TMC1: variants seen among roughly 807,000 people sequenced by gnomAD.
TMC1 encodes the protein transmembrane channel-like protein 1.
A neutral mutation model predicts 105.8 loss-of-function variants in TMC1; 84 were observed. That is an observed-to-expected ratio of 0.79 (90% CI 0.67 to 0.95). TMC1 has a LOEUF of 0.95. Ranked by LOEUF, TMC1 falls within the 40% of genes least tolerant of loss-of-function variation. TMC1 has a pLI of 0.00. For synonymous variants in TMC1, 315 were observed against 311.5 expected (o/e 1.01, Z -0.12); for missense variants, 817 against 914.1 (o/e 0.89, Z 1.37).
chr9:72,764,532 T>C (rs1026710643), intron 12 of TMC1, among the ~76,000 whole-genome samples: 1 of 151,926 alleles, frequency 6.6e-6, no homozygotes, highest in African/African-American at 2.4e-5. Flanking sequence ...AATTAAAGAG[T>C]TTTTCCAGTT....
chr9:72,576,666 G>T (rs1427750777), intron 1 of TMC1, among the ~76,000 whole-genome samples: 2 of 125,310 alleles, frequency 1.6e-5, no homozygotes, highest in Non-Finnish European at 3.2e-5. Context: ...TTGCTCTGTT[G>T]CCAGGCTGGA....
intron 2 of TMC1, among the ~76,000 whole-genome samples, chr9:72,587,221 T>C (rs6560296): frequency 0.58 from 87,174 of 151,204 alleles, 26,775 homozygotes; most frequent in African/African-American, 0.81. Context: ...TGCAATGGCT[T>C]GATCTCGACT....
intron 5 of TMC1, 81 bp downstream of exon 5, chr9:72,648,745 T>C: frequency 1.5e-6 from 2 of 1,333,430 alleles, no homozygotes; most frequent in Non-Finnish European, 2.2e-6. Context: ...TTGGAAAGTT[T>C]GTTTTACAAT....
intron 20 of TMC1, 64 bp downstream of exon 20, chr9:72,821,145 C>A: frequency 1.2e-6 from 2 of 1,608,110 alleles, no homozygotes; most frequent in South Asian, 1.1e-5. Flanking sequence ...TGGGAATGGT[C>A]ATTCATTGTA....
chr9:72,831,428 T>C (rs1256779992), intron 23 of TMC1, among the ~76,000 whole-genome samples: 1 of 151,836 alleles, frequency 6.6e-6, no homozygotes, highest in Non-Finnish European at 1.5e-5. Flanking sequence ...CTTTCTTTTT[T>C]CTATATATAT....
intron 5 of TMC1, among the ~76,000 whole-genome samples, chr9:72,668,596 C>A (rs1826080291): frequency 6.6e-6 from 1 of 152,174 alleles, no homozygotes; most frequent in Non-Finnish European, 1.5e-5. Context: ...AACTAGAACC[C>A]TTTGCCATCA....
At chr9:72,603,667 A>C (rs889486324) in intron 2 of TMC1, among the ~76,000 whole-genome samples, 6 of 151,948 alleles carry the variant, frequency 3.9e-5, no homozygotes. Context: ...CTCCTGCCGC[A>C]GCCTGCTGAG....
At chr9:72,723,507 C>T (rs1476418475) in intron 8 of TMC1, among the ~76,000 whole-genome samples, 1 of 152,118 alleles carries the variant, frequency 6.6e-6, no homozygotes. Context: ...TTCTATTAAA[C>T]AAGAACAATG....
chr9:72,569,766 T>G (rs894974068), intron 1 of TMC1, among the ~76,000 whole-genome samples: 3 of 152,306 alleles, frequency 2.0e-5, no homozygotes, highest in Middle Eastern at 3.4e-3. Flanking sequence ...GCATTCTATC[T>G]TGTCAGTAAT....
intron 13 of TMC1, among the ~76,000 whole-genome samples, chr9:72,787,882 G>A (rs1045123549): frequency 6.6e-6 from 1 of 152,068 alleles, no homozygotes; most frequent in Non-Finnish European, 1.5e-5. Flanking sequence ...TCTTTGCCTG[G>A]TTTAGTCCAT....
intron 13 of TMC1, among the ~76,000 whole-genome samples, chr9:72,777,849 T>A (rs1027521696): frequency 2.0e-5 from 3 of 152,238 alleles, no homozygotes; most frequent in African/African-American, 7.2e-5. Context: ...ATTTATTATA[T>A]GTATTGTGCC....
intron 1 of TMC1, among the ~76,000 whole-genome samples, chr9:72,559,824 A>G (rs1369326085): frequency 6.6e-6 from 1 of 152,240 alleles, no homozygotes; most frequent in Non-Finnish European, 1.5e-5. Context: ...GGCTAAAGAA[A>G]GAAGGTCAAC....
intron 2 of TMC1, among the ~76,000 whole-genome samples, chr9:72,593,021 A>AT (rs59744855): frequency 0.023 from 3,540 of 151,632 alleles, 151 homozygotes; most frequent in African/African-American, 0.081. Context: ...GAAAAGAATC[A>AT]TTTTTTTTAA....
At chr9:72,830,734 CTTTCTTTTTT>C in intron 23 of TMC1, 52 bp downstream of exon 23, 1 of 1,235,848 alleles carries the variant, frequency 8.1e-7, no homozygotes, top group Non-Finnish European at 1.1e-6. Context: ...TTTTCTTTTT[CTTTCTTTTTT>C]TTTTTTTTTT....
chr9:72,746,088 T>G (rs1281298944), intron 10 of TMC1, among the ~76,000 whole-genome samples: 1 of 152,220 alleles, frequency 6.6e-6, no homozygotes, highest in Non-Finnish European at 1.5e-5. Context: ...CTTTTTGAAA[T>G]AAAGTTGGTT....
Position 72,627,947 on chromosome 9 carries a change from AC to A in TMC1, c.-164del, listed in dbSNP as rs1825379340. 1 of 425,802 alleles carries A rather than the reference AC, an allele frequency of 2.3e-6. No individual in the cohort carries two copies. The highest frequency in any genetic ancestry group is 4.7e-6 in the Non-Finnish European group (1 of 214,860). The allele number at this position is 425,802 out of a possible 1,614,324, so 26.4% of individuals were successfully genotyped here. On this transcript the variant is annotated 5_prime_UTR_variant, in exon 4 of 24. The change creates a premature stop within an existing upstream ORF in the 5' untranslated region. Coordinates refer to ENST00000297784, the MANE Select transcript of TMC1 (RefSeq NM_138691.3). ...ATGCCAGAAGCCTCAAAAATGGAAA[AC>A]CCCCTGTGCTTCACATCTGAAAATC...
chr9:72,709,442 C>G (rs1265816978), intron 8 of TMC1, among the ~76,000 whole-genome samples: 2 of 151,890 alleles, frequency 1.3e-5, no homozygotes, highest in African/African-American at 2.4e-5. Flanking sequence ...GATTGAATGT[C>G]TGATAGAATT....
At chr9:72,755,814 A>G (rs985256742) in intron 12 of TMC1, among the ~76,000 whole-genome samples, 8 of 152,230 alleles carry the variant, frequency 5.3e-5, no homozygotes, top group African/African-American at 1.2e-4. Context: ...GTTAATATGT[A>G]TATCTCACAA....
intron 1 of TMC1, among the ~76,000 whole-genome samples, chr9:72,549,997 C>G (rs552213726): frequency 6.6e-6 from 1 of 151,844 alleles, no homozygotes; most frequent in African/African-American, 2.4e-5. Context: ...ATCCACCTAC[C>G]TCGGCTTCCC....
Sources: allele counts gnomAD v4.1 joint callset (sites outside exome capture counted in the v4.1 genomes callset), GRCh38; gene constraint gnomAD v4.1.1; transcripts MANE v1.5; gene names NCBI Gene and HGNC (gene_info 2026-07-23, HGNC 2026-07-21).